LRRC1: variants seen among roughly 807,000 people sequenced by gnomAD.
LRRC1 encodes leucine-rich repeat-containing protein 1.
In LRRC1, 28 loss-of-function variants were observed where a neutral mutation model predicts 69.9. That is an observed-to-expected ratio of 0.40 (90% confidence interval 0.30 to 0.55). The LOEUF is 0.55. Ranked by LOEUF, LRRC1 falls within the 20% of genes least tolerant of loss-of-function variation. LRRC1 has a pLI of 0.47. For missense variants in LRRC1, 498 were observed against 609.0 expected (o/e 0.82, Z 1.92); for synonymous variants, 236 against 240.2 (o/e 0.98, Z 0.16).
intron 1 of LRRC1, among the ~76,000 whole-genome samples, chr6:53,807,070 G>C (rs1272296511): frequency 6.6e-6 from 1 of 152,120 alleles, no homozygotes; most frequent in Admixed American, 6.5e-5. Flanking sequence ...AACAGTTTGG[G>C]GACTGACCAT....
chr6:53,829,491 A>G (rs535874568), intron 1 of LRRC1, among the ~76,000 whole-genome samples: 20 of 152,292 alleles, frequency 1.3e-4, no homozygotes, highest in African/African-American at 4.6e-4. Context: ...GATGTTCTTC[A>G]TTAAAGGAAA....
At chr6:53,920,221 G>C (rs1768695962) in intron 12 of LRRC1, among the ~76,000 whole-genome samples, 1 of 152,162 alleles carries the variant, frequency 6.6e-6, no homozygotes, top group African/African-American at 2.4e-5. Context: ...GTGGTGGAGT[G>C]TGTTACTGAG....
chr6:53,858,878 A>G (rs1293471590), intron 2 of LRRC1, among the ~76,000 whole-genome samples: 2 of 152,222 alleles, frequency 1.3e-5, no homozygotes, highest in Admixed American at 6.5e-5. Flanking sequence ...TAGCACTTCC[A>G]TGGAATTATA....
intron 1 of LRRC1, among the ~76,000 whole-genome samples, chr6:53,827,019 A>G (rs1472222821): frequency 1.3e-5 from 2 of 152,194 alleles, no homozygotes; most frequent in South Asian, 4.1e-4. Flanking sequence ...CACTGTTTCC[A>G]AAACCTGGCT....
At chr6:53,858,756 A>G (rs1405617554) in intron 2 of LRRC1, among the ~76,000 whole-genome samples, 1 of 152,210 alleles carries the variant, frequency 6.6e-6, no homozygotes, top group Non-Finnish European at 1.5e-5. Flanking sequence ...TATGGGGTTT[A>G]CAGCCCCTTT....
chr6:53,810,641 C>A (rs1399903331), intron 1 of LRRC1, among the ~76,000 whole-genome samples: 6 of 151,920 alleles, frequency 3.9e-5, no homozygotes, highest in Non-Finnish European at 8.8e-5. Flanking sequence ...AGCTTTTACA[C>A]GTAGACATTT....
intron 1 of LRRC1, among the ~76,000 whole-genome samples, chr6:53,828,619 T>C (rs925976230): frequency 6.6e-6 from 1 of 152,278 alleles, no homozygotes; most frequent in Non-Finnish European, 1.5e-5. Flanking sequence ...TGCTTTGTTT[T>C]TGATGATTAG....
chr6:53,882,859 AGC>A (rs1369806531), intron 3 of LRRC1, 26 bp from the exon 4 acceptor site: 2 of 1,421,606 alleles, frequency 1.4e-6, no homozygotes, highest in African/African-American at 2.9e-5. Context: ...TTTAATTTAC[AGC>A]GTTTTGTTTG....
chr6:53,897,341 A>G lies in LRRC1; in HGVS notation c.624A>G (p.Gln208=), dbSNP rs1233469195. 6.2e-6 allele frequency: 10 copies of G among 1,611,566 alleles called. No homozygotes were observed. Among genetic ancestry groups the G allele is most frequent in the Non-Finnish European group, 7.6e-6 (9 of 1,177,950 alleles). Residue 208 remains glutamine, a synonymous_variant, in exon 7 of 14, where the codon CAA becomes CAG. Coordinates refer to ENST00000370888, the MANE Select transcript of LRRC1 (RefSeq NM_018214.5). ...AAGATCTCTGGTTGGATGGAAATCA[A>G]CTGTCAGAATTACCTCAGGTAAGTG... ...HLKDLWLDGN[Q]LSELPQEIGN... is the part of the protein sequence containing the mutation.
chr6:53,803,559 T>C (rs1334180898), intron 1 of LRRC1, among the ~76,000 whole-genome samples: 2 of 151,802 alleles, frequency 1.3e-5, no homozygotes, highest in African/African-American at 4.8e-5. Flanking sequence ...ATGTGGTATT[T>C]TAGAAGATCT....
intron 1 of LRRC1, among the ~76,000 whole-genome samples, chr6:53,814,522 CTA>C (rs1199984532): frequency 3.9e-5 from 6 of 152,186 alleles, no homozygotes; most frequent in Non-Finnish European, 8.8e-5. Context: ...AGAGAAGTGA[CTA>C]TGAAGTACTG....
chr6:53,867,793 A>G (rs113847792), intron 2 of LRRC1, among the ~76,000 whole-genome samples: 2 of 152,066 alleles, frequency 1.3e-5, no homozygotes, highest in Non-Finnish European at 2.9e-5. Flanking sequence ...TGTCTCTACA[A>G]AACATTTTAA....
intron 2 of LRRC1, among the ~76,000 whole-genome samples, chr6:53,863,241 C>T (rs998217844): frequency 5.3e-5 from 8 of 152,150 alleles, no homozygotes; most frequent in African/African-American, 1.9e-4. Flanking sequence ...CCCTGTGGCC[C>T]TTCCTCCCTG....
chr6:53,851,189 C>CACAT (rs1562043399), intron 2 of LRRC1, among the ~76,000 whole-genome samples: 1 of 123,974 alleles, frequency 8.1e-6, no homozygotes, highest in African/African-American at 3.1e-5. Context: ...CACACACACA[C>CACAT]ACACACACAC....
chr6:53,871,265 A>G (rs1766874832), intron 2 of LRRC1, among the ~76,000 whole-genome samples: 1 of 152,064 alleles, frequency 6.6e-6, no homozygotes, highest in Non-Finnish European at 1.5e-5. Flanking sequence ...AGTGTGTAAG[A>G]GGTTCCTTTT....
chr6:53,879,582 C>G (rs1396497412), intron 3 of LRRC1, among the ~76,000 whole-genome samples: 2 of 152,100 alleles, frequency 1.3e-5, no homozygotes, highest in Non-Finnish European at 2.9e-5. Context: ...CCTCGCCCAG[C>G]CATACTATCT....
intron 2 of LRRC1, among the ~76,000 whole-genome samples, chr6:53,872,022 C>T (rs1766902410): frequency 6.6e-6 from 1 of 152,114 alleles, no homozygotes; most frequent in South Asian, 2.1e-4. Flanking sequence ...GAAATCCTTG[C>T]CCAGACCAAT....
chr6:53,809,266 A>G lies in LRRC1; in HGVS notation c.159+13851A>G, dbSNP rs930573150. 3.3e-5 allele frequency among the ~76,000 whole-genome samples: 5 copies of G among 152,376 alleles called. No homozygotes were observed. The South Asian group carries it at 6.2e-4, about 19-fold the overall frequency. ...TCTAATGTGCTTTCTGGAACTATAC[A>G]TATTTCAGTACTGTTATAAATGGAT... On this transcript the variant is annotated intron_variant, in intron 1 of 13. Transcript: ENST00000370888.
At chr6:53,909,420 T>C (rs544513317) in intron 10 of LRRC1, among the ~76,000 whole-genome samples, 94 of 152,164 alleles carry the variant, frequency 6.2e-4, no homozygotes, top group Non-Finnish European at 8.8e-4. Context: ...AAAGTCCTCT[T>C]AGAAGCATTG....
Sources: allele counts gnomAD v4.1 joint callset (sites outside exome capture counted in the v4.1 genomes callset), GRCh38; gene constraint gnomAD v4.1.1; transcripts MANE v1.5; gene names NCBI Gene and HGNC (gene_info 2026-07-23, HGNC 2026-07-21).